Variants in TENT4B observed in about 807,000 individuals in gnomAD.
TENT4B encodes PAP associated domain containing 5.
A neutral mutation model predicts 75.0 loss-of-function variants in TENT4B; 10 were observed. The observed-to-expected ratio is 0.13, with a 90% CI of 0.08 to 0.23. TENT4B has a LOEUF of 0.23. Ranked by LOEUF, TENT4B falls within the 10% of genes least tolerant of loss-of-function variation. TENT4B has a pLI of 1.00. For synonymous variants in TENT4B, 350 were observed against 357.7 expected (o/e 0.98, Z 0.24); for missense variants, 579 against 893.8 (o/e 0.65, Z 4.49).
intron 4 of TENT4B, among the ~76,000 whole-genome samples, chr16:50,216,530 T>G (rs1596739319): frequency 1.3e-5 from 2 of 152,332 alleles, no homozygotes; most frequent in East Asian, 3.9e-4. Flanking sequence ...CAGACTGATC[T>G]CCAACTCCTG....
chr16:50,205,172 T>A (rs1417702176), intron 1 of TENT4B, among the ~76,000 whole-genome samples: 1 of 152,236 alleles, frequency 6.6e-6, no homozygotes, highest in Non-Finnish European at 1.5e-5. Flanking sequence ...GTGATCACTG[T>A]TAACAGTATC....
chr16:50,232,850 T>A lies in TENT4B; in HGVS notation c.*3522T>A, dbSNP rs2032336541. The A allele has an allele frequency of 1.0e-6, 1 of 985,212 alleles. No individual in the cohort carries two copies. Among genetic ancestry groups the A allele is most frequent in the Admixed American group, 6.1e-5 (1 of 16,266 alleles). 61.0% of individuals were successfully genotyped at this position (985,212 alleles called of 1,614,324 possible). On this transcript the variant is annotated 3_prime_UTR_variant, in exon 12 of 12. Transcript: ENST00000561678. ...TTCCTTGAATTCTAATATGTTGATT[T>A]CTCAGTGTTTCTGTCACTAACCAAG...
chr16:50,168,599 C>T (rs982203445), intron 1 of TENT4B, among the ~76,000 whole-genome samples: 5 of 151,558 alleles, frequency 3.3e-5, no homozygotes, highest in African/African-American at 1.2e-4. Context: ...CAGTTGTGAG[C>T]CACCGTGCCT....
At chr16:50,181,464 AT>A (rs35488041) in intron 1 of TENT4B, among the ~76,000 whole-genome samples, 15,013 of 109,822 alleles carry the variant, frequency 0.14, 1,168 homozygotes, top group African/African-American at 0.28. Context: ...CAGCTATTGT[AT>A]TTTTTTTTTT....
In TENT4B at chr16:50,153,661, G is replaced by C. The variant is rs1260350124; in HGVS notation, c.40G>C (p.Gly14Arg). The C allele has an allele frequency of 2.0e-6, 2 of 1,012,320 alleles. No individual in the cohort carries two copies. The highest frequency in any genetic ancestry group is 1.7e-5 in the African/African-American group (1 of 57,238). The allele number at this position is 1,012,320 out of a possible 1,614,324, so 62.7% of individuals were successfully genotyped here. The change falls in exon 1 of 12, where the codon GGA becomes CGA. Residue 14 changes from glycine to arginine, a missense_variant. Coordinates refer to ENST00000561678, the MANE Select transcript of TENT4B (RefSeq NM_001365324.3). Reference protein sequence around the residue: ...RIAWFQPEQLGPSNSLWMQIW... With the variant: ...RIAWFQPEQLRPSNSLWMQIW... Reference sequence around the variant, plus strand: ...CGCCTGGTTTCAGCCAGAGCAGCTCGGACCGTCCAACAGTCTGTGGATGCA... The same window carrying C: ...CGCCTGGTTTCAGCCAGAGCAGCTCCGACCGTCCAACAGTCTGTGGATGCA...
chr16:50,198,012 T>G (rs1468957249), intron 1 of TENT4B, among the ~76,000 whole-genome samples: 5 of 152,052 alleles, frequency 3.3e-5, no homozygotes, highest in Admixed American at 3.3e-4. Flanking sequence ...TTATTTGATC[T>G]TATTTTAGTA....
intron 10 of TENT4B, among the ~76,000 whole-genome samples, chr16:50,226,494 C>T (rs1254041177): frequency 3.9e-5 from 6 of 152,098 alleles, no homozygotes; most frequent in Admixed American, 3.9e-4. Context: ...TGCAGTGGCG[C>T]GATCTTGGCT....
At position 50,234,354 on chromosome 16, in the gene TENT4B, G is replaced by C; in HGVS notation, c.*5026G>C. On this transcript the variant is annotated 3_prime_UTR_variant, in exon 12 of 12. Transcript: ENST00000561678. ...AGGACTTGGAAAAGCATTCTCCAAA[G>C]CCAGCAACTTGGTGAAGTTCAGTAC... 2 of 925,434 alleles carry C rather than the reference G, an allele frequency of 2.2e-6. No homozygotes were observed. The highest frequency in any genetic ancestry group is 1.1e-4 in the South Asian group (2 of 18,654). The allele number at this position is 925,434 out of a possible 1,614,324, so 57.3% of individuals were successfully genotyped here.
chr16:50,211,950 A>C (rs1000398744), intron 2 of TENT4B, among the ~76,000 whole-genome samples: 1 of 152,138 alleles, frequency 6.6e-6, no homozygotes, highest in Non-Finnish European at 1.5e-5. Context: ...GCCATTTTTC[A>C]TCTCTCTCAG....
At position 50,234,640 on chromosome 16, in the gene TENT4B, A is replaced by C. The variant is rs1210044291; in HGVS notation, c.*5312A>C. On this transcript the variant is annotated 3_prime_UTR_variant, in exon 12 of 12. Coordinates refer to ENST00000561678, the MANE Select transcript of TENT4B (RefSeq NM_001365324.3). Reference sequence around the variant, plus strand: ...ATTGAAACTTACAGAAGTCACTTTAAAAAAGTCTTTTGAAAGTCCTACAAT... The same window carrying C: ...ATTGAAACTTACAGAAGTCACTTTACAAAAGTCTTTTGAAAGTCCTACAAT... The C allele has an allele frequency of 6.1e-6, 6 of 985,398 alleles. No homozygotes were observed. The highest frequency in any genetic ancestry group is 7.2e-6 in the Non-Finnish European group (6 of 829,900). 61.0% of individuals were successfully genotyped at this position (985,398 alleles called of 1,614,324 possible). A position where few individuals can be genotyped will look rare whatever the true frequency, so the allele number is the denominator to read the frequency against.
intron 1 of TENT4B, among the ~76,000 whole-genome samples, chr16:50,209,515 G>A (rs1449671016): frequency 1.3e-5 from 2 of 152,146 alleles, no homozygotes; most frequent in African/African-American, 4.8e-5. Flanking sequence ...GTCCCCACTG[G>A]GATATCTTCT....
At chr16:50,167,149 T>C (rs1427024541) in intron 1 of TENT4B, among the ~76,000 whole-genome samples, 1 of 152,166 alleles carries the variant, frequency 6.6e-6, no homozygotes, top group Non-Finnish European at 1.5e-5. Flanking sequence ...CTGGGCCACA[T>C]TAGAAGAAGA....
chr16:50,174,930 A>T (rs1442063325), intron 1 of TENT4B, among the ~76,000 whole-genome samples: 1 of 151,864 alleles, frequency 6.6e-6, no homozygotes, highest in East Asian at 1.9e-4. Context: ...TTTAGTAGAG[A>T]TGGGGTTTCA....
At chr16:50,193,634 G>A (rs2150712283) in intron 1 of TENT4B, among the ~76,000 whole-genome samples, 1 of 152,204 alleles carries the variant, frequency 6.6e-6, no homozygotes, top group African/African-American at 2.4e-5. Flanking sequence ...CACCGCGCCT[G>A]GCCAGGTCCT....
intron 1 of TENT4B, among the ~76,000 whole-genome samples, chr16:50,204,527 T>C (rs1483115638): frequency 1.3e-5 from 2 of 152,136 alleles, no homozygotes; most frequent in Non-Finnish European, 2.9e-5. Flanking sequence ...AGCTGGTAGC[T>C]GCAAGTATAG....
intron 11 of TENT4B, 23 bp from the exon 12 acceptor site, chr16:50,229,129 G>A (rs758830282): frequency 1.2e-6 from 2 of 1,609,998 alleles, no homozygotes; most frequent in East Asian, 2.2e-5. Flanking sequence ...TGATGTCTTT[G>A]TGGTCGTTTT....
intron 10 of TENT4B, 50 bp downstream of exon 10, chr16:50,225,335 C>G (rs770734478): frequency 2.6e-6 from 4 of 1,528,388 alleles, no homozygotes; most frequent in Non-Finnish European, 3.6e-6. Context: ...TGCACGTTCT[C>G]TTGCTGGGGT....
rs556314863 is a variant in TENT4B at position 50,190,226 on chromosome 16, T to C, written c.639-21097T>C. Among the ~76,000 whole-genome samples, 53 of 152,176 alleles carry C rather than the reference T, an allele frequency of 3.5e-4. 1 individual carries two copies. Among genetic ancestry groups the C allele is most frequent in the African/African-American group, 1.1e-3 (45 of 41,418 alleles). On this transcript the variant is annotated intron_variant, in intron 1 of 11. Transcript: ENST00000561678. ...ATACTTAGTTCTTCAGCGATGTATC[T>C]CTGCTGATCAGCTACATGATATCTA...
In TENT4B at chr16:50,200,717, G is replaced by A. The variant is rs532445587; in HGVS notation, c.639-10606G>A. Among the ~76,000 whole-genome samples the A allele has an allele frequency of 2.8e-4, 43 of 151,726 alleles. No individual in the cohort carries two copies. The South Asian group carries it at 3.5e-3, about 13-fold the overall frequency. On this transcript the variant is annotated intron_variant, in intron 1 of 11. Transcript: ENST00000561678. ...GTCTTCTGCCCATTTTAAAAAATGG[G>A]TTCATTTTCTTATTGTTGAATATCA...
Sources: allele counts gnomAD v4.1 joint callset (sites outside exome capture counted in the v4.1 genomes callset), GRCh38; gene constraint gnomAD v4.1.1; transcripts MANE v1.5; gene names NCBI Gene and HGNC (gene_info 2026-07-23, HGNC 2026-07-21).